The following CDH18 variants were observed in gnomAD, a reference collection of about 807,000 sequenced individuals.
The protein encoded by CDH18 is cadherin-18.
A neutral mutation model predicts 67.9 loss-of-function variants in CDH18; 31 were observed. That is an observed-to-expected ratio of 0.46 (90% CI 0.34 to 0.62). The LOEUF is 0.62. Ranked by LOEUF, CDH18 falls within the 20% of genes least tolerant of loss-of-function variation. CDH18 has a pLI of 0.01. For synonymous variants in CDH18, 362 were observed against 347.2 expected, an observed-to-expected ratio of 1.04 and a Z score of -0.48; for missense variants, 890 against 975.5, an observed-to-expected ratio of 0.91 and a Z score of 1.17.
chr5:20,391,237 A>T (rs1744829968), intron 1 of CDH18, among the ~76,000 whole-genome samples: 1 of 152,108 alleles, frequency 6.6e-6, no homozygotes, highest in Non-Finnish European at 1.5e-5. Context: ...AAACATATAT[A>T]ACCTGCCTCA....
intron 1 of CDH18, among the ~76,000 whole-genome samples, chr5:20,266,329 C>G (rs1327859974): frequency 6.6e-6 from 1 of 152,114 alleles, no homozygotes; most frequent in African/African-American, 2.4e-5. Context: ...TTCCTTTTGG[C>G]AGCAATTTGA....
At chr5:19,532,922 T>C (rs770619814) in intron 9 of CDH18, among the ~76,000 whole-genome samples, 8 of 152,248 alleles carry the variant, frequency 5.3e-5, no homozygotes, top group Middle Eastern at 3.4e-3. Flanking sequence ...CTGAAGAAGA[T>C]TGAGGGAGAA....
intron 2 of CDH18, among the ~76,000 whole-genome samples, chr5:20,123,598 G>A (rs1425714274): frequency 6.6e-6 from 1 of 152,098 alleles, no homozygotes; most frequent in East Asian, 1.9e-4. Context: ...AGAATTTACA[G>A]GTCGGCCCGG....
chr5:20,090,600 G>A (rs1322730797), intron 2 of CDH18, among the ~76,000 whole-genome samples: 4 of 152,004 alleles, frequency 2.6e-5, no homozygotes, highest in Non-Finnish European at 5.9e-5. Flanking sequence ...TTTACTATGT[G>A]AAACTCTTGA....
intron 2 of CDH18, among the ~76,000 whole-genome samples, chr5:20,042,862 T>A (rs1291037947): frequency 6.6e-6 from 1 of 152,022 alleles, no homozygotes; most frequent in African/African-American, 2.4e-5. Flanking sequence ...CTCGGGAGGC[T>A]GAGGCAGGAG....
chr5:19,838,825 T>G lies in CDH18; in HGVS notation c.162A>C (p.Gly54=). The G allele has an allele frequency of 6.2e-7, 1 of 1,613,984 alleles. No individual in the cohort carries two copies. The highest frequency in any genetic ancestry group is 1.3e-5 in the African/African-American group (1 of 75,050). The change falls in exon 3 of 13, where the codon GGA becomes GGC. Residue 54 remains glycine (G), a synonymous_variant. Coordinates refer to ENST00000382275, the MANE Select transcript of CDH18 (RefSeq NM_004934.5). ...ETEVHHRPKR[G]WVWNQFFVLE... is the part of the protein sequence containing the mutation. Reference sequence around the variant, plus strand: ...AAACAAAGAACTGATTCCATACCCATCCCCTTTTGGGACGATGATGGACTT... The same window carrying G: ...AAACAAAGAACTGATTCCATACCCAGCCCCTTTTGGGACGATGATGGACTT...
chr5:19,915,686 T>C (rs1357403336), intron 2 of CDH18, among the ~76,000 whole-genome samples: 1 of 152,070 alleles, frequency 6.6e-6, no homozygotes, highest in Non-Finnish European at 1.5e-5. Flanking sequence ...TACATATATA[T>C]CATTGTTTGT....
intron 2 of CDH18, among the ~76,000 whole-genome samples, chr5:20,205,169 T>G (rs1011029551): frequency 1.3e-5 from 2 of 151,932 alleles, no homozygotes; most frequent in Non-Finnish European, 1.5e-5. Context: ...GTACATATAC[T>G]GAAGGTAAGA....
intron 10 of CDH18, among the ~76,000 whole-genome samples, chr5:19,506,929 C>T (rs953624795): frequency 6.6e-6 from 1 of 152,174 alleles, no homozygotes; most frequent in Non-Finnish European, 1.5e-5. Context: ...TAAAGAGCTT[C>T]TGCACAGTGA....
At chr5:20,315,412 A>T (rs1737374796) in intron 1 of CDH18, among the ~76,000 whole-genome samples, 1 of 152,102 alleles carries the variant, frequency 6.6e-6, no homozygotes, top group African/African-American at 2.4e-5. Flanking sequence ...TCTAGAAGAA[A>T]AAAAGTGACA....
At chr5:20,356,340 G>A (rs1321159858) in intron 1 of CDH18, among the ~76,000 whole-genome samples, 1 of 152,096 alleles carries the variant, frequency 6.6e-6, no homozygotes, top group Non-Finnish European at 1.5e-5. Flanking sequence ...CTGAGATCAC[G>A]CAACTGCACT....
chr5:19,558,184 C>CA (rs1397109755), intron 8 of CDH18, among the ~76,000 whole-genome samples: 1 of 151,856 alleles, frequency 6.6e-6, no homozygotes, highest in Non-Finnish European at 1.5e-5. Context: ...ATGCCTACAT[C>CA]AAAAAGTCTG....
At chr5:19,824,810 G>A (rs899718389) in intron 3 of CDH18, among the ~76,000 whole-genome samples, 1 of 152,118 alleles carries the variant, frequency 6.6e-6, no homozygotes, top group Non-Finnish European at 1.5e-5. Flanking sequence ...CCCTGCAACT[G>A]GTAGCTGTGT....
intron 2 of CDH18, among the ~76,000 whole-genome samples, chr5:20,178,066 C>CA (rs150930948): frequency 0.016 from 2,408 of 152,180 alleles, 69 homozygotes; most frequent in African/African-American, 0.055. Flanking sequence ...GTGATTAGAA[C>CA]AAAAAGGATG....
intron 2 of CDH18, among the ~76,000 whole-genome samples, chr5:19,941,552 T>C (rs1794819812): frequency 6.6e-6 from 1 of 151,760 alleles, no homozygotes; most frequent in Non-Finnish European, 1.5e-5. Flanking sequence ...GAGGCCAAGA[T>C]GGGTAGATCA....
intron 2 of CDH18, among the ~76,000 whole-genome samples, chr5:19,943,252 T>C (rs1561603002): frequency 1.3e-5 from 2 of 152,128 alleles, no homozygotes; most frequent in Admixed American, 6.6e-5. Flanking sequence ...GACAAGCATA[T>C]ACAGTTGCTG....
chr5:19,766,117 G>A (rs1197865169), intron 3 of CDH18, among the ~76,000 whole-genome samples: 1 of 152,086 alleles, frequency 6.6e-6, no homozygotes, highest in Non-Finnish European at 1.5e-5. Flanking sequence ...GACCTCAGGC[G>A]ATCTGCCTGT....
chr5:20,304,680 C>G (rs1736264853), intron 1 of CDH18: 3 of 1,611,708 alleles, frequency 1.9e-6, no homozygotes, highest in Non-Finnish European at 2.5e-6. Flanking sequence ...GGTCCGTTTT[C>G]TTTTCAGATG....
intron 1 of CDH18, among the ~76,000 whole-genome samples, chr5:20,518,492 T>C (rs12523500): frequency 0.4 from 60,322 of 152,002 alleles, 13,422 homozygotes; most frequent in East Asian, 0.56. Flanking sequence ...AATGACCTTA[T>C]AACAACAGAA....
Sources: gnomAD v4.1 joint callset for allele counts (sites outside exome capture counted in the v4.1 genomes callset) on GRCh38, gnomAD v4.1.1 for gene constraint, MANE v1.5 for transcripts, NCBI Gene and HGNC (gene_info 2026-07-23, HGNC 2026-07-21) for gene names.